The following PPP1CB variants were observed in gnomAD, a reference collection of about 807,000 sequenced individuals.
The protein encoded by PPP1CB is serine/threonine-protein phosphatase PP1-beta catalytic subunit.
Under a neutral mutation model 43.7 loss-of-function variants are expected in PPP1CB, and 2 were observed. The observed-to-expected ratio is 0.05, with a 90% CI of 0.02 to 0.14. The LOEUF (loss-of-function observed/expected upper bound fraction) is 0.14. PPP1CB is among the 10% of genes least tolerant of loss of function. PPP1CB has a pLI of 1.00. For missense variants in PPP1CB, 84 were observed against 398.0 expected, an observed-to-expected ratio of 0.21 and a Z score of 6.71; for synonymous variants, 136 against 135.6, an observed-to-expected ratio of 1.00 and a Z score of -0.02.
At position 28,771,023 on chromosome 2, in the gene PPP1CB, A is replaced by G. The variant is rs370272622; in HGVS notation, c.53-5828A>G. Among the ~76,000 whole-genome samples the G allele has an allele frequency of 3.1e-3, 428 of 137,576 alleles. 2 individuals carry two copies. The highest frequency in any genetic ancestry group is 4.8e-3 in the Non-Finnish European group (309 of 64,270). 90.3% of individuals were successfully genotyped at this position (137,576 alleles called of 152,430 possible). A position where few individuals can be genotyped will look rare whatever the true frequency, so the allele number is the denominator to read the frequency against. Reference sequence around the variant, plus strand: ...GAAGATACCAATTCTGTCTAGACTTACCTACTTATTCCCTGCTCCCCCCCC... The same window carrying G: ...GAAGATACCAATTCTGTCTAGACTTGCCTACTTATTCCCTGCTCCCCCCCC... On this transcript the variant is annotated intron_variant, in intron 1 of 7. Coordinates refer to ENST00000395366, the MANE Select transcript of PPP1CB (RefSeq NM_002709.3).
rs143961845 is a variant in PPP1CB at position 28,774,674 on chromosome 2, C to T, written c.53-2177C>T. Among the ~76,000 whole-genome samples, 638 of 152,328 alleles carry T rather than the reference C, an allele frequency of 4.2e-3. 6 individuals are homozygous for T. Among genetic ancestry groups the T allele is most frequent in the African/African-American group, 0.015 (604 of 41,574 alleles). ...CTCCTGACCTCAGGTGATCCACCCA[C>T]CTCGGCCTCCCAAAGTGCTGGGATT... On this transcript the variant is annotated intron_variant, in intron 1 of 7. Transcript: ENST00000395366.
intron 1 of PPP1CB, among the ~76,000 whole-genome samples, chr2:28,776,589 A>G (rs1667049921): frequency 1.3e-5 from 2 of 152,088 alleles, no homozygotes. Flanking sequence ...TTTGGCTACT[A>G]GGCCCCAGGT....
chr2:28,782,003 A>T, intron 4 of PPP1CB, 161 bp downstream of exon 4: 1 of 657,252 alleles, frequency 1.5e-6, no homozygotes, highest in Admixed American at 2.9e-5. Flanking sequence ...AAAAATTAGA[A>T]ATTTATTTAT....
At chr2:28,761,411 C>T (rs1173155151) in intron 1 of PPP1CB, among the ~76,000 whole-genome samples, 3 of 152,222 alleles carry the variant, frequency 2.0e-5, no homozygotes, top group East Asian at 1.9e-4. Flanking sequence ...TAATGATTAA[C>T]GACACAGATT....
intron 7 of PPP1CB, among the ~76,000 whole-genome samples, chr2:28,795,463 C>T (rs1667480666): frequency 6.6e-6 from 1 of 152,216 alleles, no homozygotes; most frequent in African/African-American, 2.4e-5. Flanking sequence ...TCCTTTTTCT[C>T]CACAACCTTG....
chr2:28,792,867 A>T (rs1023412206), intron 6 of PPP1CB, among the ~76,000 whole-genome samples: 3 of 152,150 alleles, frequency 2.0e-5, no homozygotes, highest in South Asian at 2.1e-4. Context: ...ACTGAGAGAA[A>T]AATTGTTTAA....
intron 1 of PPP1CB, among the ~76,000 whole-genome samples, chr2:28,767,767 T>G (rs914476689): frequency 6.6e-6 from 1 of 152,234 alleles, no homozygotes; most frequent in Non-Finnish European, 1.5e-5. Context: ...AGGATTCTTT[T>G]GTTTTGCTTT....
intron 1 of PPP1CB, among the ~76,000 whole-genome samples, chr2:28,759,879 A>G (rs1572444655): frequency 6.6e-6 from 1 of 152,242 alleles, no homozygotes; most frequent in East Asian, 1.9e-4. Flanking sequence ...TCGGCCTCCC[A>G]AAGTGTTGGG....
chr2:28,773,876 T>A (rs928405757), intron 1 of PPP1CB, among the ~76,000 whole-genome samples: 1 of 152,200 alleles, frequency 6.6e-6, no homozygotes, highest in Non-Finnish European at 1.5e-5. Context: ...TGTGACTGAT[T>A]ATTAAATGCA....
At chr2:28,784,078 A>T in intron 5 of PPP1CB, 100 bp downstream of exon 5, 2 of 878,242 alleles carry the variant, frequency 2.3e-6, no homozygotes, top group Non-Finnish European at 3.5e-6. Flanking sequence ...TAATAAATAA[A>T]AGAGCTTTTT....
chr2:28,782,001 G>A (rs1467281352), intron 4 of PPP1CB, 159 bp downstream of exon 4: 1 of 656,936 alleles, frequency 1.5e-6, no homozygotes, highest in Non-Finnish European at 2.7e-6. Flanking sequence ...TTAAAAATTA[G>A]AAATTTATTT....
At chr2:28,759,520 CAAAAAAAA>C (rs559532367) in intron 1 of PPP1CB, among the ~76,000 whole-genome samples, 6 of 100,822 alleles carry the variant, frequency 6.0e-5, no homozygotes, top group East Asian at 4.8e-4. Flanking sequence ...ACTGCATCTC[CAAAAAAAA>C]AAAAAAAAAA....
chr2:28,776,265 G>T (rs986542379), intron 1 of PPP1CB, among the ~76,000 whole-genome samples: 8 of 146,622 alleles, frequency 5.5e-5, no homozygotes, highest in East Asian at 2.0e-4. Flanking sequence ...CTGTTTGTTT[G>T]TTTTTTTTTT....
At chr2:28,768,903 A>G (rs1016255030) in intron 1 of PPP1CB, among the ~76,000 whole-genome samples, 10 of 152,202 alleles carry the variant, frequency 6.6e-5, no homozygotes, top group Non-Finnish European at 1.2e-4. Flanking sequence ...AAGGTCTATC[A>G]TGTATAATAG....
chr2:28,783,039 G>C (rs1572461695), intron 4 of PPP1CB, among the ~76,000 whole-genome samples: 1 of 152,180 alleles, frequency 6.6e-6, no homozygotes, highest in Non-Finnish European at 1.5e-5. Context: ...ATGATACTTG[G>C]ATTGCCTATC....
intron 1 of PPP1CB, among the ~76,000 whole-genome samples, chr2:28,760,150 G>C (rs1558297026): frequency 6.6e-6 from 1 of 152,046 alleles, no homozygotes; most frequent in Non-Finnish European, 1.5e-5. Flanking sequence ...TTTAACAAAA[G>C]TTTAAAAAGT....
At chr2:28,773,241 A>G (rs1221398928) in intron 1 of PPP1CB, among the ~76,000 whole-genome samples, 2 of 152,224 alleles carry the variant, frequency 1.3e-5, no homozygotes, top group East Asian at 1.9e-4. Flanking sequence ...GATATTTGCT[A>G]TCATGGGATT....
At chr2:28,798,989 A>G (rs1381700690) in intron 7 of PPP1CB, among the ~76,000 whole-genome samples, 2 of 152,052 alleles carry the variant, frequency 1.3e-5, no homozygotes, top group Admixed American at 6.6e-5. Flanking sequence ...GATAGTTGAT[A>G]GAGTTAGTGT....
chr2:28,765,400 T>G (rs1236702436), intron 1 of PPP1CB, among the ~76,000 whole-genome samples: 1 of 152,236 alleles, frequency 6.6e-6, no homozygotes, highest in African/African-American at 2.4e-5. Context: ...GATACTTGCC[T>G]TTCAGCATGT....
Sources: gnomAD v4.1 joint callset for allele counts (sites outside exome capture counted in the v4.1 genomes callset) on GRCh38, gnomAD v4.1.1 for gene constraint, MANE v1.5 for transcripts, NCBI Gene and HGNC (gene_info 2026-07-23, HGNC 2026-07-21) for gene names.